Variants in HCN1 observed in about 807,000 individuals in gnomAD.
HCN1 encodes the protein potassium/sodium hyperpolarization-activated cyclic nucleotide-gated channel 1.
HCN1 carries 13 observed loss-of-function variants against 78.9 expected under a neutral mutation model. That is an observed-to-expected ratio of 0.16 (90% CI 0.11 to 0.26). The LOEUF (loss-of-function observed/expected upper bound fraction) is 0.26. Ranked by LOEUF, HCN1 falls within the 10% of genes least tolerant of loss-of-function variation. HCN1 has a pLI of 1.00. For missense variants in HCN1, 810 were observed against 1,154.3 expected, an observed-to-expected ratio of 0.70 and a Z score of 4.32; for synonymous variants, 552 against 455.5, an observed-to-expected ratio of 1.21 and a Z score of -2.70.
Position 45,261,952 on chromosome 5 carries a change from G to A in HCN1, c.2642C>T (p.Ala881Val). The A allele has an allele frequency of 1.2e-6, 2 of 1,614,094 alleles. No homozygotes were observed. Among genetic ancestry groups the A allele is most frequent in the Non-Finnish European group, 1.7e-6 (2 of 1,180,038 alleles). The change falls in exon 8 of 8, where the codon GCA becomes GTA. Residue 881 changes from alanine (A) to valine (V), a missense_variant. By Grantham distance (64) the Ala-to-Val change is moderately conservative (BLOSUM62 0). Around this residue, in one of 6 missense-constraint regions of HCN1, gnomAD observed 398 missense variants for 381.3 expected, o/e 1.04. Transcript: ENST00000303230. ...ATTTGAAGCAAATCGTGGCTTTTCT[G>A]CGTCTGGGTCTGTGTTTAAGACTGA... is the stretch of plus-strand genomic sequence containing the variant. ...SSSVLNTDPD[A>V]EKPRFASNL is the part of the protein sequence containing the mutation.
intron 2 of HCN1, among the ~76,000 whole-genome samples, chr5:45,621,385 T>C (rs1217606870): frequency 6.6e-6 from 1 of 152,160 alleles, no homozygotes; most frequent in East Asian, 1.9e-4. Flanking sequence ...TTTGAGCTCA[T>C]TTAATGAGAT....
chr5:45,658,866 G>C lies in HCN1; in HGVS notation c.426-13258C>G, dbSNP rs7737371. 4.8e-3 allele frequency among the ~76,000 whole-genome samples: 712 copies of C among 149,660 alleles called. 1 individual carries two copies. The highest frequency in any genetic ancestry group is 0.017 in the African/African-American group (678 of 40,864). On this transcript the variant is annotated intron_variant, in intron 1 of 7. Transcript: ENST00000303230. ...TGAGATCAAACTGCAAGGCGGCAAC[G>C]AGGCTGGGGGAGGGGCGCCCGCCAT...
At chr5:45,520,208 G>T (rs1458214768) in intron 2 of HCN1, among the ~76,000 whole-genome samples, 1 of 151,896 alleles carries the variant, frequency 6.6e-6, no homozygotes, top group East Asian at 1.9e-4. Flanking sequence ...CATTATTTGG[G>T]CATTACTGCA....
intron 2 of HCN1, among the ~76,000 whole-genome samples, chr5:45,619,123 A>G (rs923416541): frequency 6.6e-6 from 1 of 152,100 alleles, no homozygotes; most frequent in Non-Finnish European, 1.5e-5. Flanking sequence ...CAGTCACATC[A>G]AACTCCTAAA....
intron 2 of HCN1, among the ~76,000 whole-genome samples, chr5:45,576,830 G>A (rs567858665): frequency 2.2e-4 from 34 of 152,034 alleles, no homozygotes; most frequent in Non-Finnish European, 3.8e-4. Context: ...TTGGAGATAG[G>A]CCTTTTTGAA....
chr5:45,463,366 CT>C (rs1021263189), intron 2 of HCN1, among the ~76,000 whole-genome samples: 58 of 151,998 alleles, frequency 3.8e-4, no homozygotes, highest in African/African-American at 1.4e-3. Context: ...TTTAAACAAT[CT>C]TTTTGACATA....
intron 2 of HCN1, among the ~76,000 whole-genome samples, chr5:45,615,884 G>A (rs1385650615): frequency 6.6e-6 from 1 of 151,748 alleles, no homozygotes; most frequent in East Asian, 1.9e-4. Context: ...AGCTTGAAAT[G>A]CAACAGTTAT....
intron 2 of HCN1, chr5:45,641,734 A>G (rs1176148103): frequency 2.6e-5 from 4 of 152,176 alleles, no homozygotes; most frequent in Admixed American, 6.6e-5. Flanking sequence ...CTAAACCTCT[A>G]AAAAATTTCG....
At chr5:45,528,410 G>A (rs995401018) in intron 2 of HCN1, among the ~76,000 whole-genome samples, 14 of 151,870 alleles carry the variant, frequency 9.2e-5, no homozygotes, top group Non-Finnish European at 1.9e-4. Flanking sequence ...CATTACTATA[G>A]ACCAAATAGT....
chr5:45,318,995 G>A (rs1202853185), intron 5 of HCN1, among the ~76,000 whole-genome samples: 1 of 151,922 alleles, frequency 6.6e-6, no homozygotes, highest in East Asian at 1.9e-4. Flanking sequence ...TTCTGTTAAT[G>A]TGATTGCTAA....
At chr5:45,477,665 T>C (rs1041903450) in intron 2 of HCN1, among the ~76,000 whole-genome samples, 2 of 152,130 alleles carry the variant, frequency 1.3e-5, no homozygotes, top group African/African-American at 4.8e-5. Flanking sequence ...TAGTCAAACA[T>C]ATTTTAAGTT....
chr5:45,295,799 C>T (rs1745479946), intron 6 of HCN1, among the ~76,000 whole-genome samples: 1 of 152,066 alleles, frequency 6.6e-6, no homozygotes, highest in East Asian at 1.9e-4. Flanking sequence ...ATGAACTTGT[C>T]ATGCTCAACT....
intron 5 of HCN1, among the ~76,000 whole-genome samples, chr5:45,309,073 T>G (rs773800310): frequency 1.3e-5 from 2 of 152,150 alleles, no homozygotes; most frequent in Non-Finnish European, 2.9e-5. Flanking sequence ...CTTTTAGAGA[T>G]CCTTCACTTT....
At chr5:45,363,090 A>G (rs895793151) in intron 4 of HCN1, among the ~76,000 whole-genome samples, 13 of 146,478 alleles carry the variant, frequency 8.9e-5, no homozygotes, top group African/African-American at 3.2e-4. Context: ...CATATTTGTG[A>G]TCTGAATATA....
rs1435006787 is a variant in HCN1, at chr5:45,267,292, T to A, written c.1619-39A>T. On this transcript the variant is annotated intron_variant, in intron 6 of 7. Transcript: ENST00000303230. ...CAACAAAGAAGAATGACTTGTTTGATCATTTTCTTTTAAAAGCCATTAAGG... is the reference window on the plus strand; with the variant it reads ...CAACAAAGAAGAATGACTTGTTTGAACATTTTCTTTTAAAAGCCATTAAGG... The A allele has an allele frequency of 2.5e-6, 4 of 1,603,018 alleles. No homozygotes were observed. The South Asian group carries it at 4.4e-5, about 18-fold the overall frequency.
At chr5:45,277,927 G>T (rs567205400) in intron 6 of HCN1, among the ~76,000 whole-genome samples, 18 of 152,146 alleles carry the variant, frequency 1.2e-4, no homozygotes, top group Non-Finnish European at 2.1e-4. Flanking sequence ...CCAAAGTGGT[G>T]TTGGGCCACT....
At chr5:45,287,487 G>A (rs1418389685) in intron 6 of HCN1, among the ~76,000 whole-genome samples, 3 of 152,040 alleles carry the variant, frequency 2.0e-5, no homozygotes, top group Admixed American at 6.6e-5. Context: ...GCTGAGTTAT[G>A]TAATACATAT....
chr5:45,469,081 A>G (rs1741336177), intron 2 of HCN1, among the ~76,000 whole-genome samples: 1 of 151,952 alleles, frequency 6.6e-6, no homozygotes, highest in South Asian at 2.1e-4. Context: ...AATATTATAG[A>G]GTCATATTTA....
intron 2 of HCN1, among the ~76,000 whole-genome samples, chr5:45,545,872 T>C (rs1218597829): frequency 1.3e-5 from 2 of 152,062 alleles, no homozygotes; most frequent in African/African-American, 2.4e-5. Flanking sequence ...CCTACTGTAA[T>C]ATAGACCCCA....
Sources: gnomAD v4.1 joint callset for allele counts (sites outside exome capture counted in the v4.1 genomes callset) on GRCh38, gnomAD v4.1.1 for gene constraint, gnomAD v4.1.1 regional missense constraint, MANE v1.5 for transcripts, NCBI Gene and HGNC (gene_info 2026-07-23, HGNC 2026-07-21) for gene names.